The following CYP27C1 variants were observed in gnomAD, a reference collection of about 807,000 sequenced individuals.
CYP27C1 encodes cytochrome P450 27C1.
In CYP27C1, 29 loss-of-function variants were observed where a neutral mutation model predicts 40.6. The observed-to-expected ratio is 0.71, with a 90% CI of 0.53 to 0.97. CYP27C1 has a LOEUF of 0.97. Ranked by LOEUF, CYP27C1 falls within the 50% of genes least tolerant of loss-of-function variation. The pLI is 0.00. For missense variants in CYP27C1, 390 were observed against 485.8 expected, an observed-to-expected ratio of 0.80 and a Z score of 1.85; for synonymous variants, 198 against 186.8, an observed-to-expected ratio of 1.06 and a Z score of -0.49.
intron 1 of CYP27C1, among the ~76,000 whole-genome samples, chr2:127,213,435 C>G (rs575876808): frequency 1.3e-5 from 2 of 152,206 alleles, no homozygotes; most frequent in East Asian, 3.9e-4. Context: ...GCTACGGTAA[C>G]CAAAACAGCA....
At chr2:127,203,693 G>T in intron 2 of CYP27C1, 122 bp from the exon 3 acceptor site, 1 of 980,698 alleles carries the variant, frequency 1.0e-6, no homozygotes, top group Non-Finnish European at 1.5e-6. Flanking sequence ...CAACAAAGTA[G>T]AATTAAGACA....
intron 7 of CYP27C1, 37 bp downstream of exon 7, chr2:127,193,752 C>A: frequency 6.2e-7 from 1 of 1,612,384 alleles, no homozygotes; most frequent in Non-Finnish European, 8.5e-7. Flanking sequence ...CAACCCCGAC[C>A]CGCAAGGCCT....
intron 8 of CYP27C1, among the ~76,000 whole-genome samples, chr2:127,190,070 G>A (rs1358048386): frequency 6.6e-6 from 1 of 152,056 alleles, no homozygotes; most frequent in Non-Finnish European, 1.5e-5. Flanking sequence ...TCTAGGTTCA[G>A]GATAATTTAG....
rs150822034 is a variant in CYP27C1 at position 127,191,929 on chromosome 2, A to G, written c.1497+1165T>C. Among the ~76,000 whole-genome samples, 86 of 152,304 alleles carry G rather than the reference A, an allele frequency of 5.6e-4. No individual in the cohort carries two copies. The East Asian group carries it at 0.015, about 27-fold the overall frequency. On this transcript the variant is annotated intron_variant, in intron 8 of 8. Transcript: ENST00000664447. The stretch of plus-strand genomic sequence containing the variant: ...GTGCCTCCAGAGCCAGCCCTGAGCC[A>G]GTGGGGGTTCTCCCCACACCTCGTT...
rs1188424848 is a variant in CYP27C1 at position 127,208,051 on chromosome 2, AC to A, written c.283-1962del. ...CTCGAAAAAAGAACAAAGCTGGTGG[AC>A]CCCCATTTTCCTGTTTCAAGACTTA... On this transcript the variant is annotated intron_variant, in intron 1 of 8. Transcript: ENST00000664447. This position sits in a 1 kb window ranked among gnomAD's most constrained non-coding sequence, Gnocchi z 5.2. Among the ~76,000 whole-genome samples, 3 of 152,140 alleles carry A rather than the reference AC, an allele frequency of 2.0e-5. No homozygotes were observed. The highest frequency in any genetic ancestry group is 7.2e-5 in the African/African-American group (3 of 41,420).
chr2:127,200,779 G>T lies in CYP27C1; in HGVS notation c.883+343C>A, dbSNP rs1683013675. Among the ~76,000 whole-genome samples the T allele has an allele frequency of 6.6e-6, 1 of 151,964 alleles. No individual in the cohort carries two copies. The highest frequency in any genetic ancestry group is 6.6e-5 in the Admixed American group (1 of 15,262). On this transcript the variant is annotated intron_variant, in intron 4 of 8. Transcript: ENST00000664447. The surrounding 1 kb of genome is among the most constrained non-coding windows in gnomAD (Gnocchi z 4.2). ...AATTCAAGACCAGCCTGGCCAACATGGTGAAACCCCATCTCTACTAAAAAT... is the reference window on the plus strand; with the variant it reads ...AATTCAAGACCAGCCTGGCCAACATTGTGAAACCCCATCTCTACTAAAAAT...
At position 127,218,182 on chromosome 2, in the gene CYP27C1, A is replaced by G. The variant is rs1683470026; in HGVS notation, c.282+1807T>C. 6.6e-6 allele frequency among the ~76,000 whole-genome samples: 1 copy of G among 152,032 alleles called. No individual in the cohort carries two copies. The highest frequency in any genetic ancestry group is 6.6e-5 in the Admixed American group (1 of 15,258). ...AGGGGCGGGTGAATGGAAAATACCCATCTGAACTGCCACACATCCTGACTG... is the reference window on the plus strand; with the variant it reads ...AGGGGCGGGTGAATGGAAAATACCCGTCTGAACTGCCACACATCCTGACTG... On this transcript the variant is annotated intron_variant, in intron 1 of 8. Coordinates refer to ENST00000664447, the MANE Select transcript of CYP27C1 (RefSeq NM_001367502.1). This position sits in a 1 kb window ranked among gnomAD's most constrained non-coding sequence, Gnocchi z 6.0.
rs1682977547 is a variant in CYP27C1 at position 127,199,368 on chromosome 2, A to G, written c.1047+8T>C. 2 of 1,613,690 alleles carry G rather than the reference A, an allele frequency of 1.2e-6. No individual in the cohort carries two copies. Among genetic ancestry groups the G allele is most frequent in the Non-Finnish European group, 8.5e-7 (1 of 1,179,810 alleles). On this transcript the variant is annotated splice_region_variant and intron_variant, in intron 5 of 8. Transcript: ENST00000664447. Reference sequence around the variant, plus strand: ...GTTGCTTGCTGAGAACAGGACCCCCAGACTCACCGTGTCGACGCCGGCCAG... The same window carrying G: ...GTTGCTTGCTGAGAACAGGACCCCCGGACTCACCGTGTCGACGCCGGCCAG...
chr2:127,202,656 C>T (rs1430236862), intron 3 of CYP27C1, among the ~76,000 whole-genome samples: 1 of 152,110 alleles, frequency 6.6e-6, no homozygotes, highest in Non-Finnish European at 1.5e-5. Context: ...ATGTACCACT[C>T]ATTCAATATG....
At position 127,218,711 on chromosome 2, in the gene CYP27C1, G is replaced by T. The variant is rs945630192; in HGVS notation, c.282+1278C>A. On this transcript the variant is annotated intron_variant, in intron 1 of 8. Transcript: ENST00000664447. The surrounding 1 kb of genome is among the most constrained non-coding windows in gnomAD (Gnocchi z 6.0). ...TTAGAAGAGGCTTCGATGGAGAAGG[G>T]TCTCGAAAGACCGGAACTCTGGGCA... Among the ~76,000 whole-genome samples the T allele has an allele frequency of 9.8e-5, 15 of 152,304 alleles. No individual in the cohort carries two copies. Among genetic ancestry groups the T allele is most frequent in the Admixed American group, 7.8e-4 (12 of 15,300 alleles).
In CYP27C1 at chr2:127,194,555, G is replaced by A. The variant is rs149426731; in HGVS notation, c.1215-688C>T. On this transcript the variant is annotated intron_variant, in intron 6 of 8. Transcript: ENST00000664447. Reference sequence around the variant, plus strand: ...AACCCAGGACAACCCACATCCCTCCGGCTTTTCTGTTTGTCAGGAAAGCCC... The same window carrying A: ...AACCCAGGACAACCCACATCCCTCCAGCTTTTCTGTTTGTCAGGAAAGCCC... Among the ~76,000 whole-genome samples the A allele has an allele frequency of 3.7e-3, 558 of 152,148 alleles. 8 individuals are homozygous for A. The highest frequency in any genetic ancestry group is 0.012 in the African/African-American group (506 of 41,494).
At chr2:127,217,658 A>G (rs377323737) in intron 1 of CYP27C1, among the ~76,000 whole-genome samples, 28 of 152,216 alleles carry the variant, frequency 1.8e-4, no homozygotes, top group African/African-American at 6.3e-4. Flanking sequence ...TATGATTTCT[A>G]CTCTGCCAAT....
chr2:127,203,495 A>G lies in CYP27C1; in HGVS notation c.550T>C (p.Ser184Pro). The G allele has an allele frequency of 6.2e-7, 1 of 1,614,086 alleles. No individual in the cohort carries two copies. The highest frequency in any genetic ancestry group is 1.1e-5 in the South Asian group (1 of 91,058). ...ILKPKDVAIY[S>P]GEVNQVIADL... ...GCAATAACTTGGTTGACTTCTCCAG[A>G]ATAAATGGCCACATCTTTCGGTTTC... is the stretch of plus-strand genomic sequence containing the variant. The change falls in exon 3 of 9, where the codon TCT becomes CCT. Residue 184 changes from serine (S) to proline (P), a missense_variant. Transcript: ENST00000664447.
At chr2:127,190,342 C>CTTTTTTTTTTTTTTTTTTTT (rs1241035422) in intron 8 of CYP27C1, among the ~76,000 whole-genome samples, 5 of 96,640 alleles carry the variant, frequency 5.2e-5, no homozygotes, top group African/African-American at 8.6e-5. Context: ...TTTTTTTTTT[C>CTTTTTTTTTTTTTTTTTTTT]TTTTTTTTTT....
At position 127,208,797 on chromosome 2, in the gene CYP27C1, T is replaced by C. The variant is rs1683282274; in HGVS notation, c.283-2707A>G. On this transcript the variant is annotated intron_variant, in intron 1 of 8. Coordinates refer to ENST00000664447, the MANE Select transcript of CYP27C1 (RefSeq NM_001367502.1). This position sits in a 1 kb window ranked among gnomAD's most constrained non-coding sequence, Gnocchi z 5.2. ...TCCATCCTTCCTCAGTGGCTGGGGA[T>C]TCCCAGCAGGATCTCCAACAATTCC... 6.6e-6 allele frequency among the ~76,000 whole-genome samples: 1 copy of C among 152,106 alleles called. No homozygotes were observed. Among genetic ancestry groups the C allele is most frequent in the Non-Finnish European group, 1.5e-5 (1 of 68,010 alleles).
chr2:127,212,915 A>C (rs1316689941), intron 1 of CYP27C1, among the ~76,000 whole-genome samples: 1 of 152,130 alleles, frequency 6.6e-6, no homozygotes, highest in African/African-American at 2.4e-5. Flanking sequence ...TATTTAGAAA[A>C]CCCCATCATC....
Position 127,219,475 on chromosome 2 carries a change from A to G in CYP27C1, c.282+514T>C, listed in dbSNP as rs553509631. On this transcript the variant is annotated intron_variant, in intron 1 of 8. Transcript: ENST00000664447. The surrounding 1 kb of genome is among the most constrained non-coding windows in gnomAD (Gnocchi z 8.7). ...GTCCCTCCCCGGGACCAGTCCCTGGAGACCCTGCCCGCCGCCTCTCTCGGG... is the reference window on the plus strand; with the variant it reads ...GTCCCTCCCCGGGACCAGTCCCTGGGGACCCTGCCCGCCGCCTCTCTCGGG... Among the ~76,000 whole-genome samples, 333 of 151,466 alleles carry G rather than the reference A, an allele frequency of 2.2e-3. 2 individuals are homozygous for G. Among genetic ancestry groups the G allele is most frequent in the African/African-American group, 7.4e-3 (307 of 41,246 alleles).
Position 127,195,130 on chromosome 2 carries a change from G to A in CYP27C1, c.1214+205C>T, listed in dbSNP as rs1464151743. On this transcript the variant is annotated intron_variant, in intron 6 of 8. Transcript: ENST00000664447. This position sits in a 1 kb window ranked among gnomAD's most constrained non-coding sequence, Gnocchi z 6.2. The stretch of plus-strand genomic sequence containing the variant: ...CGTGAGCCACTGTGCCTGGCCCAAA[G>A]ATCTTTACAGAGAACAAGGATTATG... Among the ~76,000 whole-genome samples, 2 of 152,090 alleles carry A rather than the reference G, an allele frequency of 1.3e-5. No homozygotes were observed. Among genetic ancestry groups the A allele is most frequent in the Non-Finnish European group, 2.9e-5 (2 of 68,008 alleles).
intron 6 of CYP27C1, 118 bp from the exon 7 acceptor site, chr2:127,193,985 G>T: frequency 8.7e-7 from 1 of 1,149,658 alleles, no homozygotes; most frequent in Non-Finnish European, 1.2e-6. Flanking sequence ...AGTAACACAT[G>T]GTACATTTTC....
Sources: allele counts gnomAD v4.1 joint callset (sites outside exome capture counted in the v4.1 genomes callset), GRCh38; gene constraint gnomAD v4.1.1; non-coding constraint Gnocchi (gnomAD v3.1); transcripts MANE v1.5; gene names NCBI Gene and HGNC (gene_info 2026-07-23, HGNC 2026-07-21).